Variants in STPG2 observed in about 807,000 individuals in gnomAD.
STPG2 encodes sperm-tail PG-rich repeat-containing protein 2.
Under a neutral mutation model 54.2 loss-of-function variants are expected in STPG2, and 56 were observed. The ratio of observed to expected loss-of-function variants is 1.03; its 90% CI spans 0.83 to 1.29. The LOEUF (loss-of-function observed/expected upper bound fraction) is 1.29. STPG2 is among the 50% of genes most tolerant of loss of function. The pLI is 0.00. For synonymous variants in STPG2, 200 were observed against 181.8 expected (o/e 1.10, Z -0.81); for missense variants, 596 against 544.9 (o/e 1.09, Z -0.93).
At chr4:97,883,979 G>A (rs949906076) in intron 8 of STPG2, among the ~76,000 whole-genome samples, 1 of 152,082 alleles carries the variant, frequency 6.6e-6, no homozygotes, top group Non-Finnish European at 1.5e-5. Context: ...TGGCTGAGAG[G>A]CAAAGATGGG....
chr4:97,568,404 T>G (rs544150136), intron 10 of STPG2, among the ~76,000 whole-genome samples: 1 of 152,152 alleles, frequency 6.6e-6, no homozygotes, highest in African/African-American at 2.4e-5. Flanking sequence ...GTTATGAGTA[T>G]GTAATAGTGG....
chr4:97,780,135 C>A (rs1490332347), intron 9 of STPG2, among the ~76,000 whole-genome samples: 1 of 112,794 alleles, frequency 8.9e-6, no homozygotes, highest in Non-Finnish European at 1.8e-5. Flanking sequence ...CACAGACTGA[C>A]AAACTGGATA....
chr4:98,006,081 G>A (rs900160252), intron 5 of STPG2, among the ~76,000 whole-genome samples: 3 of 152,116 alleles, frequency 2.0e-5, no homozygotes, highest in Non-Finnish European at 4.4e-5. Flanking sequence ...CAGATTAGAA[G>A]GTTCTCCAGC....
intron 8 of STPG2, among the ~76,000 whole-genome samples, chr4:97,911,030 A>G (rs1578681670): frequency 6.6e-6 from 1 of 152,206 alleles, no homozygotes; most frequent in Admixed American, 6.5e-5. Flanking sequence ...GCAATAGCTC[A>G]CCTGGAAGCA....
At chr4:98,002,107 CATG>C (rs1409591392) in intron 5 of STPG2, among the ~76,000 whole-genome samples, 7 of 151,974 alleles carry the variant, frequency 4.6e-5, no homozygotes, top group Non-Finnish European at 7.4e-5. Flanking sequence ...ATAGTATTAT[CATG>C]ATGAAATTAT....
At chr4:98,064,696 C>T (rs1357292154) in intron 5 of STPG2, among the ~76,000 whole-genome samples, 2 of 152,068 alleles carry the variant, frequency 1.3e-5, no homozygotes, top group Admixed American at 1.3e-4. Context: ...TGCATACTTG[C>T]AAAATAAATT....
rs546916990 is a variant in STPG2 at position 97,445,391 on chromosome 4, A to G, written c.463-257558T>C. On this transcript the variant is annotated intron_variant, in intron 4 of 4. Transcript: ENST00000522676. ...TTCTAGACCAGCACTGTCTAATAGA[A>G]CTATAATTTGAGCCACAAAAGTAAT... 2.6e-5 allele frequency among the ~76,000 whole-genome samples: 4 copies of G among 152,336 alleles called. No homozygotes were observed. The South Asian group carries it at 6.2e-4, about 24-fold the overall frequency.
chr4:97,654,969 T>C (rs953460960), intron 10 of STPG2, among the ~76,000 whole-genome samples: 5 of 152,044 alleles, frequency 3.3e-5, no homozygotes, highest in Non-Finnish European at 5.9e-5. Flanking sequence ...TATGACTCAA[T>C]TTTGGCTAAA....
At chr4:97,693,639 T>C (rs1351102905) in intron 10 of STPG2, among the ~76,000 whole-genome samples, 3 of 151,918 alleles carry the variant, frequency 2.0e-5, no homozygotes, top group African/African-American at 7.2e-5. Flanking sequence ...ACAGATGGAC[T>C]TAAACTGTAC....
At chr4:97,971,747 T>C (rs1025472164) in intron 7 of STPG2, among the ~76,000 whole-genome samples, 3 of 151,902 alleles carry the variant, frequency 2.0e-5, no homozygotes, top group African/African-American at 7.3e-5. Flanking sequence ...TGTACACCTA[T>C]GTAACAAACC....
At position 97,686,516 on chromosome 4, in the gene STPG2, G is replaced by A. The variant is rs182928870; in HGVS notation, c.1320+26183C>T. Among the ~76,000 whole-genome samples the A allele has an allele frequency of 1.5e-3, 235 of 152,116 alleles. 1 individual carries two copies. The highest frequency in any genetic ancestry group is 5.4e-3 in the African/African-American group (226 of 41,492). ...TCACTTCCTCAGAGAAGAATTTTCC[G>A]TTCTTCTGCTGGAGGTTAGAATCCT... is the stretch of plus-strand genomic sequence containing the variant. On this transcript the variant is annotated intron_variant, in intron 10 of 10. Transcript: ENST00000295268.
intron 10 of STPG2, among the ~76,000 whole-genome samples, chr4:97,582,111 C>A (rs28461772): frequency 1.3e-5 from 2 of 151,940 alleles, no homozygotes; most frequent in Admixed American, 6.6e-5. Flanking sequence ...GGAACCACCC[C>A]CTCTGCCCCA....
intron 10 of STPG2, among the ~76,000 whole-genome samples, chr4:97,614,297 G>T (rs1344029063): frequency 1.1e-5 from 1 of 94,316 alleles, no homozygotes; most frequent in Non-Finnish European, 2.3e-5. Flanking sequence ...CCTCTAAAGA[G>T]ATTTTTTTTT....
rs1736392343 is a variant in STPG2, at chr4:98,025,643, G to A, written c.613-44325C>T. ...ATATGCACACGAACTGCCAAAATATGGTATGAAGGATGGCCTAACAAATTA... is the reference window on the plus strand; with the variant it reads ...ATATGCACACGAACTGCCAAAATATAGTATGAAGGATGGCCTAACAAATTA... On this transcript the variant is annotated intron_variant, in intron 5 of 10. Transcript: ENST00000295268. 3 of 859,596 alleles carry A rather than the reference G, an allele frequency of 3.5e-6. No individual in the cohort carries two copies. The Admixed American group carries it at 5.1e-5, about 15-fold the overall frequency. 53.2% of individuals were successfully genotyped at this position (859,596 alleles called of 1,614,324 possible). A position where few individuals can be genotyped will look rare whatever the true frequency, so the allele number is the denominator to read the frequency against.
chr4:97,635,856 C>T (rs973510715), intron 10 of STPG2, among the ~76,000 whole-genome samples: 21 of 151,840 alleles, frequency 1.4e-4, no homozygotes, highest in Admixed American at 2.6e-4. Context: ...CCTGAGTGAC[C>T]GACAAAGAGA....
intron 10 of STPG2, among the ~76,000 whole-genome samples, chr4:97,674,477 G>C (rs1218533388): frequency 6.6e-6 from 1 of 152,098 alleles, no homozygotes; most frequent in Non-Finnish European, 1.5e-5. Context: ...GGTCATGTGG[G>C]TATGTTTATT....
At chr4:97,797,802 G>A (rs369446641) in intron 9 of STPG2, among the ~76,000 whole-genome samples, 8 of 152,162 alleles carry the variant, frequency 5.3e-5, no homozygotes, top group South Asian at 4.1e-4. Flanking sequence ...ATTCGGCTGC[G>A]AATCCGTCTG....
rs369860424 is a variant in STPG2 at position 97,965,098 on chromosome 4, G to A, written c.933+7182C>T. Among the ~76,000 whole-genome samples, 30 of 152,328 alleles carry A rather than the reference G, an allele frequency of 2.0e-4. No individual in the cohort carries two copies. The East Asian group carries it at 2.5e-3, about 13-fold the overall frequency. On this transcript the variant is annotated intron_variant, in intron 7 of 10. Coordinates refer to ENST00000295268, the MANE Select transcript of STPG2 (RefSeq NM_174952.3). Reference sequence around the variant, plus strand: ...TTCCCTTTCCTAGCCAAGGGAAGCCGTGACAGACTGTACCTGGAAAATTGT... The same window carrying A: ...TTCCCTTTCCTAGCCAAGGGAAGCCATGACAGACTGTACCTGGAAAATTGT...
chr4:98,100,460 A>G (rs1560678855), intron 5 of STPG2, among the ~76,000 whole-genome samples: 4 of 152,130 alleles, frequency 2.6e-5, no homozygotes. Context: ...TTGAGAAACA[A>G]GAGAAAGAGG....
Sources: gnomAD v4.1 joint callset for allele counts (sites outside exome capture counted in the v4.1 genomes callset) on GRCh38, gnomAD v4.1.1 for gene constraint, MANE v1.5 for transcripts, NCBI Gene and HGNC (gene_info 2026-07-23, HGNC 2026-07-21) for gene names.